SPTSSB: variants seen among roughly 807,000 people sequenced by gnomAD.
The protein encoded by SPTSSB is serine palmitoyltransferase small subunit B.
A neutral mutation model predicts 7.7 loss-of-function variants in SPTSSB; 6 were observed. The ratio of observed to expected loss-of-function variants is 0.78; its 90% confidence interval spans 0.43 to 1.54. SPTSSB has a LOEUF of 1.54. Among genes scored for constraint, SPTSSB ranks in the 40% most tolerant of loss-of-function variants. The pLI is 0.01. For synonymous variants in SPTSSB, 28 were observed against 29.7 expected (o/e 0.94, Z 0.19); for missense variants, 91 against 93.0 (o/e 0.98, Z 0.09).
chr3:161,348,250 G>C (rs1247534258), intron 2 of SPTSSB: 2 of 134,966 alleles, frequency 1.5e-5, no homozygotes, highest in East Asian at 4.2e-4. Context: ...GTGAGATCCT[G>C]GCAAAACAAA....
At chr3:161,352,166 T>C (rs1560103764) in intron 2 of SPTSSB, among the ~76,000 whole-genome samples, 4 of 152,222 alleles carry the variant, frequency 2.6e-5, no homozygotes, top group Admixed American at 1.3e-4. Context: ...TCAATGGCTC[T>C]CCATTTCCTA....
Position 161,359,784 on chromosome 3 carries a change from T to C in SPTSSB, c.-33+18A>G. On this transcript the variant is annotated intron_variant, in intron 2 of 2. Coordinates refer to ENST00000620149, the MANE Select transcript of SPTSSB (RefSeq NM_001040100.2). ...TTTCTCAAAGCAAGTCTCCGTGATA[T>C]AATCAGAATTTACTTGCCTAAGAAA... The C allele has an allele frequency of 1.0e-6, 1 of 985,466 alleles. No homozygotes were observed. 61.0% of individuals were successfully genotyped at this position (985,466 alleles called of 1,614,324 possible).
chr3:161,363,956 G>A (rs556456083), intron 1 of SPTSSB, among the ~76,000 whole-genome samples: 56 of 118,152 alleles, frequency 4.7e-4, no homozygotes, highest in African/African-American at 1.9e-3. Context: ...ATGTATAGAT[G>A]GTACATGAAA....
chr3:161,345,175 C>T lies in SPTSSB; in HGVS notation c.*918G>A, dbSNP rs1714153707. On this transcript the variant is annotated 3_prime_UTR_variant, in exon 3 of 3. Transcript: ENST00000620149. The stretch of plus-strand genomic sequence containing the variant: ...TCTTGTTTTGGCTCTGCAAAGGAGC[C>T]ACTATATCAAAGCATTTAACTGGAG... 1 of 152,486 alleles carries T rather than the reference C, an allele frequency of 6.6e-6. No individual in the cohort carries two copies. The highest frequency in any genetic ancestry group is 2.1e-4 in the South Asian group (1 of 4,816). 9.4% of individuals were successfully genotyped at this position (152,486 alleles called of 1,614,324 possible).
chr3:161,347,159 A>G (rs139777945), intron 2 of SPTSSB, among the ~76,000 whole-genome samples: 2 of 152,266 alleles, frequency 1.3e-5, no homozygotes. Context: ...TATACTGAGA[A>G]CCTGTTTAAA....
At chr3:161,369,804 C>G (rs464766) in intron 1 of SPTSSB, among the ~76,000 whole-genome samples, 93,874 of 151,834 alleles carry the variant, frequency 0.62, 30,380 homozygotes, top group East Asian at 0.97. Flanking sequence ...CCCATCCTTA[C>G]TGGAACATCA....
intron 2 of SPTSSB, among the ~76,000 whole-genome samples, chr3:161,347,557 C>T (rs1055718022): frequency 6.5e-4 from 99 of 152,198 alleles, no homozygotes; most frequent in African/African-American, 2.2e-3. Context: ...CCACTGTACC[C>T]GAACTTGTTG....
intron 2 of SPTSSB, among the ~76,000 whole-genome samples, chr3:161,348,692 T>C (rs1714374992): frequency 1.3e-5 from 2 of 152,150 alleles, no homozygotes; most frequent in African/African-American, 2.4e-5. Context: ...CAGTTAAGAT[T>C]AAAAAAATTT....
intron 2 of SPTSSB, among the ~76,000 whole-genome samples, chr3:161,357,379 G>A (rs1405239621): frequency 1.3e-5 from 2 of 152,120 alleles, no homozygotes; most frequent in Non-Finnish European, 2.9e-5. Context: ...ATTACTGTTG[G>A]GTTCATCCTC....
intron 2 of SPTSSB, among the ~76,000 whole-genome samples, chr3:161,353,903 C>G (rs1014024205): frequency 4.6e-5 from 7 of 152,060 alleles, no homozygotes; most frequent in South Asian, 2.1e-4. Flanking sequence ...TACTCCCCAG[C>G]CTTCCTTTGG....
At chr3:161,351,721 A>G (rs1714548543) in intron 2 of SPTSSB, among the ~76,000 whole-genome samples, 1 of 152,128 alleles carries the variant, frequency 6.6e-6, no homozygotes. Context: ...ATTCTTATCT[A>G]TTCTAGTTAA....
At position 161,344,962 on chromosome 3, in the gene SPTSSB, C is replaced by CA. The variant is rs1283061979; in HGVS notation, c.*1130dup. 7.9e-5 allele frequency: 12 copies of CA among 152,602 alleles called. No individual in the cohort carries two copies. The highest frequency in any genetic ancestry group is 7.2e-4 in the Admixed American group (11 of 15,276). 9.5% of individuals were successfully genotyped at this position (152,602 alleles called of 1,614,324 possible). Reference sequence around the variant, plus strand: ...CCTTGGAAAAATTTTTTTCATAACACAAACAAGGGTGCAAATATTGTCCAA... The same window carrying CA: ...CCTTGGAAAAATTTTTTTCATAACACAAAACAAGGGTGCAAATATTGTCCAA... On this transcript the variant is annotated 3_prime_UTR_variant, in exon 3 of 3. Coordinates refer to ENST00000620149, the MANE Select transcript of SPTSSB (RefSeq NM_001040100.2).
intron 1 of SPTSSB, 136 bp downstream of exon 1, chr3:161,371,299 A>C: frequency 1.7e-6 from 1 of 586,740 alleles, no homozygotes; most frequent in Non-Finnish European, 2.1e-6. Context: ...CAATTCTGAA[A>C]ATTGTAATGC....
chr3:161,369,381 T>C (rs1715402485), intron 1 of SPTSSB, among the ~76,000 whole-genome samples: 1 of 115,510 alleles, frequency 8.7e-6, no homozygotes, highest in Non-Finnish European at 1.7e-5. Context: ...TCTCTCTTTC[T>C]TTCCTTTTTT....
intron 2 of SPTSSB, among the ~76,000 whole-genome samples, chr3:161,349,214 A>G (rs1714408429): frequency 2.0e-5 from 3 of 152,140 alleles, no homozygotes; most frequent in South Asian, 4.1e-4. Context: ...ACTGGACCAT[A>G]TAACAAACAT....
At chr3:161,354,278 T>C (rs1435248641) in intron 2 of SPTSSB, among the ~76,000 whole-genome samples, 1 of 152,224 alleles carries the variant, frequency 6.6e-6, no homozygotes, top group African/African-American at 2.4e-5. Context: ...TTGTTGTTGA[T>C]ACAGTGTTTT....
chr3:161,347,350 C>A (rs1714296649), intron 2 of SPTSSB, among the ~76,000 whole-genome samples: 1 of 152,018 alleles, frequency 6.6e-6, no homozygotes, highest in South Asian at 2.1e-4. Context: ...TTCCACCTCC[C>A]AGGTTCAAGA....
chr3:161,369,308 T>TC (rs1560108985), intron 1 of SPTSSB, among the ~76,000 whole-genome samples: 3 of 59,652 alleles, frequency 5.0e-5, no homozygotes, highest in East Asian at 2.6e-3. Flanking sequence ...CTTTCTTTCT[T>TC]TCTTTCTCTT....
chr3:161,350,529 T>C (rs1335359002), intron 2 of SPTSSB, among the ~76,000 whole-genome samples: 1 of 152,172 alleles, frequency 6.6e-6, no homozygotes, highest in Non-Finnish European at 1.5e-5. Context: ...CTTCATTTTT[T>C]TTTTGTGCTT....
Sources: gnomAD v4.1 joint callset for allele counts (sites outside exome capture counted in the v4.1 genomes callset) on GRCh38, gnomAD v4.1.1 for gene constraint, MANE v1.5 for transcripts, NCBI Gene and HGNC (gene_info 2026-07-23, HGNC 2026-07-21) for gene names.